Variants in ZNF804B observed in about 807,000 individuals in gnomAD.
ZNF804B encodes zinc finger protein 804B.
Under a neutral mutation model 101.4 loss-of-function variants are expected in ZNF804B, and 80 were observed. That is an observed-to-expected ratio of 0.79 (90% CI 0.66 to 0.95). The LOEUF is 0.95. Ranked by LOEUF, ZNF804B falls within the 40% of genes least tolerant of loss-of-function variation. The pLI is 0.00. For synonymous variants in ZNF804B, 622 were observed against 558.8 expected (o/e 1.11, Z -1.59); for missense variants, 1,673 against 1,561.9 (o/e 1.07, Z -1.20).
rs554263195 is a variant in ZNF804B, at chr7:89,269,899, T to G, written c.249+51604T>G. On this transcript the variant is annotated intron_variant, in intron 2 of 3. Transcript: ENST00000333190. Reference sequence around the variant, plus strand: ...GTCTGTTCATATCCTTTGCCCACTTTTTGATGGGGTTGTTTGTTTTTTTCT... The same window carrying G: ...GTCTGTTCATATCCTTTGCCCACTTGTTGATGGGGTTGTTTGTTTTTTTCT... Among the ~76,000 whole-genome samples the G allele has an allele frequency of 1.4e-3, 215 of 152,302 alleles. 1 individual carries two copies. The highest frequency in any genetic ancestry group is 2.4e-4 in the Non-Finnish European group (16 of 68,018).
At chr7:88,999,071 C>T (rs887638437) in intron 1 of ZNF804B, among the ~76,000 whole-genome samples, 2 of 152,006 alleles carry the variant, frequency 1.3e-5, no homozygotes, top group African/African-American at 4.8e-5. Context: ...CTTCAACCTA[C>T]TGCAGAAGAA....
At chr7:89,233,333 A>G (rs1417667138) in intron 2 of ZNF804B, among the ~76,000 whole-genome samples, 1 of 152,218 alleles carries the variant, frequency 6.6e-6, no homozygotes, top group African/African-American at 2.4e-5. Flanking sequence ...GGGAACCAAT[A>G]AAATTGTGCC....
At chr7:89,182,846 A>G (rs765651619) in intron 1 of ZNF804B, among the ~76,000 whole-genome samples, 10 of 152,186 alleles carry the variant, frequency 6.6e-5, no homozygotes, top group Non-Finnish European at 1.3e-4. Context: ...TTAGGGGAAG[A>G]TATTTTTTCA....
At chr7:88,997,196 T>A (rs1012664312) in intron 1 of ZNF804B, among the ~76,000 whole-genome samples, 2 of 152,094 alleles carry the variant, frequency 1.3e-5, no homozygotes, top group African/African-American at 4.8e-5. Flanking sequence ...TTGAGAATTA[T>A]CTAATCAGTC....
rs139579520 is a variant in ZNF804B, at chr7:89,248,563, A to T, written c.249+30268A>T. Among the ~76,000 whole-genome samples the T allele has an allele frequency of 2.7e-3, 405 of 152,248 alleles. 1 individual carries two copies. The highest frequency in any genetic ancestry group is 8.7e-3 in the African/African-American group (361 of 41,548). On this transcript the variant is annotated intron_variant, in intron 2 of 3. Coordinates refer to ENST00000333190, the MANE Select transcript of ZNF804B (RefSeq NM_181646.5). The stretch of plus-strand genomic sequence containing the variant: ...TAAGCTTCTTAAGCAAAGGAGAAAT[A>T]AAATCTTTTTCAGAAAAGCAAGAAG...
intron 2 of ZNF804B, among the ~76,000 whole-genome samples, chr7:89,271,690 G>T (rs565455063): frequency 6.6e-6 from 1 of 151,940 alleles, no homozygotes; most frequent in African/African-American, 2.4e-5. Flanking sequence ...CTGTGAATCC[G>T]TCTGGTCCTG....
intron 1 of ZNF804B, among the ~76,000 whole-genome samples, chr7:89,087,535 T>C (rs529300778): frequency 6.6e-6 from 1 of 152,116 alleles, no homozygotes; most frequent in South Asian, 2.1e-4. Flanking sequence ...TGCAAGTGCT[T>C]TGCAAATTTA....
intron 1 of ZNF804B, among the ~76,000 whole-genome samples, chr7:89,058,549 G>T (rs1361912401): frequency 6.6e-6 from 1 of 152,048 alleles, no homozygotes; most frequent in Non-Finnish European, 1.5e-5. Flanking sequence ...CATTTTTTAA[G>T]GTTTTAACTT....
chr7:89,132,162 G>GCACA lies in ZNF804B; in HGVS notation c.109-85990_109-85987dup, dbSNP rs1370260461. Among the ~76,000 whole-genome samples, 725 of 87,690 alleles carry GCACA rather than the reference G, an allele frequency of 8.3e-3. 3 individuals are homozygous for GCACA. The highest frequency in any genetic ancestry group is 0.024 in the African/African-American group (676 of 28,030). The allele number at this position is 87,690 out of a possible 152,430, so 57.5% of individuals were successfully genotyped here. On this transcript the variant is annotated intron_variant, in intron 1 of 3. Transcript: ENST00000333190. ...GAAAATAACAGGAATGAGAACACAC[G>GCACA]CACACATACACACACACACACACAC...
chr7:89,227,252 T>C (rs1244941451), intron 2 of ZNF804B, among the ~76,000 whole-genome samples: 1 of 152,228 alleles, frequency 6.6e-6, no homozygotes, highest in Non-Finnish European at 1.5e-5. Context: ...ACCCTCGCAG[T>C]TGATTTATTT....
intron 1 of ZNF804B, among the ~76,000 whole-genome samples, chr7:88,918,026 A>C (rs930790227): frequency 6.6e-5 from 10 of 152,198 alleles, no homozygotes; most frequent in Admixed American, 5.9e-4. Flanking sequence ...TGTGGGCATT[A>C]TTATTAGCAA....
chr7:89,127,029 T>C (rs909158132), intron 1 of ZNF804B, among the ~76,000 whole-genome samples: 4 of 151,924 alleles, frequency 2.6e-5, no homozygotes, highest in Admixed American at 1.3e-4. Flanking sequence ...AGAACTTTAA[T>C]AATGATAATG....
At chr7:89,270,627 A>G (rs1022948626) in intron 2 of ZNF804B, among the ~76,000 whole-genome samples, 1 of 152,128 alleles carries the variant, frequency 6.6e-6, no homozygotes, top group Admixed American at 6.5e-5. Context: ...CTTGATGGGG[A>G]TGGCATTGAA....
chr7:88,809,789 T>C (rs1790754205), intron 1 of ZNF804B, among the ~76,000 whole-genome samples: 1 of 152,086 alleles, frequency 6.6e-6, no homozygotes, highest in Non-Finnish European at 1.5e-5. Context: ...TAGTTAAGAG[T>C]GAGTGCTTCC....
At chr7:88,927,084 C>T (rs1024531279) in intron 1 of ZNF804B, among the ~76,000 whole-genome samples, 1 of 152,004 alleles carries the variant, frequency 6.6e-6, no homozygotes, top group Non-Finnish European at 1.5e-5. Context: ...TTCCTGTATT[C>T]CCAAGTGTGC....
intron 1 of ZNF804B, among the ~76,000 whole-genome samples, chr7:89,017,060 TA>T: frequency 6.6e-6 from 1 of 152,194 alleles, no homozygotes; most frequent in Non-Finnish European, 1.5e-5. Flanking sequence ...ACATCCCTTG[TA>T]AGTTAGATTC....
intron 1 of ZNF804B, among the ~76,000 whole-genome samples, chr7:89,017,529 A>T: frequency 6.6e-6 from 1 of 151,992 alleles, no homozygotes; most frequent in East Asian, 1.9e-4. Context: ...GGAGTTGAGG[A>T]TTATTTATTT....
In ZNF804B at chr7:88,881,155, G is replaced by C. The variant is rs368528536; in HGVS notation, c.108+121071G>C. Among the ~76,000 whole-genome samples the C allele has an allele frequency of 4.3e-4, 66 of 152,044 alleles. 1 individual carries two copies. The South Asian group carries it at 0.013, about 31-fold the overall frequency. ...GATAGAAGGTTTAGGATTCTTAATG[G>C]ACTATAGGTTATTTATAAAAATAAA... On this transcript the variant is annotated intron_variant, in intron 1 of 3. Transcript: ENST00000333190.
chr7:89,182,480 C>T (rs1168099593), intron 1 of ZNF804B, among the ~76,000 whole-genome samples: 1 of 152,140 alleles, frequency 6.6e-6, no homozygotes, highest in Non-Finnish European at 1.5e-5. Context: ...TTCCCTCTTG[C>T]TGTTGACCAA....
Sources: allele counts gnomAD v4.1 joint callset (sites outside exome capture counted in the v4.1 genomes callset), GRCh38; gene constraint gnomAD v4.1.1; transcripts MANE v1.5; gene names NCBI Gene and HGNC (gene_info 2026-07-23, HGNC 2026-07-21).